NEK11: variants seen among roughly 807,000 people sequenced by gnomAD.
NEK11 encodes the protein serine/threonine-protein kinase Nek11.
Under a neutral mutation model 80.7 loss-of-function variants are expected in NEK11, and 72 were observed. The observed-to-expected ratio is 0.89, with a 90% CI of 0.74 to 1.08. The LOEUF is 1.08. NEK11 is among the 50% of genes least tolerant of loss of function. The pLI is 0.00. For synonymous variants in NEK11, 251 were observed against 260.7 expected (o/e 0.96, Z 0.36); for missense variants, 764 against 763.6 (o/e 1.00, Z -0.01).
chr3:131,328,667 A>C (rs2109976536), intron 17 of NEK11: 1 of 152,370 alleles, frequency 6.6e-6, no homozygotes, highest in African/African-American at 2.4e-5. Context: ...GAGAGCTTTT[A>C]AACTTGATGA....
intron 14 of NEK11, among the ~76,000 whole-genome samples, chr3:131,195,378 A>G (rs1379270280): frequency 2.0e-5 from 3 of 150,394 alleles, no homozygotes; most frequent in Non-Finnish European, 4.4e-5. Context: ...TGCCCACTAC[A>G]CTCCTGATAG....
At chr3:131,044,540 T>C (rs778517619) in intron 3 of NEK11, among the ~76,000 whole-genome samples, 7 of 147,302 alleles carry the variant, frequency 4.8e-5, no homozygotes, top group Non-Finnish European at 8.9e-5. Context: ...CATTACATAA[T>C]GTAAAGGGAT....
chr3:131,119,565 T>G (rs1030373191), intron 5 of NEK11, among the ~76,000 whole-genome samples: 3 of 152,174 alleles, frequency 2.0e-5, no homozygotes, highest in African/African-American at 7.2e-5. Flanking sequence ...ATGTTGACAG[T>G]GGGATGTTAA....
intron 12 of NEK11, among the ~76,000 whole-genome samples, chr3:131,167,262 T>C (rs1036204873): frequency 3.9e-5 from 6 of 152,206 alleles, no homozygotes; most frequent in African/African-American, 1.4e-4. Context: ...CATAATCTCT[T>C]CAGGGTCTTG....
chr3:131,157,624 A>G (rs2090897862), intron 10 of NEK11, among the ~76,000 whole-genome samples: 1 of 152,154 alleles, frequency 6.6e-6, no homozygotes, highest in African/African-American at 2.4e-5. Flanking sequence ...CCACTGAGGG[A>G]CCAGGATGAC....
At chr3:131,315,469 G>C (rs574120781) in intron 17 of NEK11, among the ~76,000 whole-genome samples, 130 of 96,128 alleles carry the variant, frequency 1.4e-3, no homozygotes, top group East Asian at 1.4e-3. Flanking sequence ...TAATATTCCT[G>C]TGTGTGTGTG....
chr3:131,302,144 T>C (rs980847154), intron 17 of NEK11, among the ~76,000 whole-genome samples: 1 of 152,152 alleles, frequency 6.6e-6, no homozygotes, highest in Non-Finnish European at 1.5e-5. Context: ...TTTGTGTGCA[T>C]AGATATGTTT....
At chr3:131,052,634 T>C (rs2068628381) in intron 3 of NEK11, among the ~76,000 whole-genome samples, 1 of 152,206 alleles carries the variant, frequency 6.6e-6, no homozygotes, top group Non-Finnish European at 1.5e-5. Flanking sequence ...TCGAAGGTAG[T>C]ATAAGAAAAC....
chr3:131,062,368 A>T (rs983337664), intron 3 of NEK11, among the ~76,000 whole-genome samples: 9 of 152,212 alleles, frequency 5.9e-5, no homozygotes, highest in African/African-American at 2.2e-4. Context: ...GCCTTTGCAG[A>T]CTTTCTCTCC....
intron 3 of NEK11, chr3:131,053,579 A>G (rs2068815964): frequency 6.6e-6 from 1 of 152,226 alleles, no homozygotes; most frequent in African/African-American, 2.4e-5. Flanking sequence ...CAATTTAACC[A>G]AACTTAACTC....
chr3:131,238,296 T>C (rs973010129), intron 15 of NEK11, among the ~76,000 whole-genome samples: 25 of 152,206 alleles, frequency 1.6e-4, no homozygotes, highest in African/African-American at 5.8e-4. Context: ...CTATTGCTTA[T>C]TCTTTTATGG....
At position 131,158,930 on chromosome 3, in the gene NEK11, G is replaced by A. The variant is rs556150195; in HGVS notation, c.963-3478G>A. Reference sequence around the variant, plus strand: ...CCAGGAGCACATAGGCCCCCCCAGCGCAATGAGTTGACGACCTTGAGGAGC... The same window carrying A: ...CCAGGAGCACATAGGCCCCCCCAGCACAATGAGTTGACGACCTTGAGGAGC... On this transcript the variant is annotated intron_variant, in intron 10 of 17. Coordinates refer to ENST00000383366, the MANE Select transcript of NEK11 (RefSeq NM_024800.5). Among the ~76,000 whole-genome samples the A allele has an allele frequency of 9.9e-5, 15 of 152,206 alleles. No homozygotes were observed. In the South Asian group the frequency reaches 1.2e-3, roughly 13 times the overall value.
chr3:131,273,744 A>G (rs965968773), intron 17 of NEK11, among the ~76,000 whole-genome samples, 170 bp downstream of exon 17: 11 of 152,208 alleles, frequency 7.2e-5, no homozygotes, highest in Admixed American at 5.9e-4. Flanking sequence ...CACTTTCTGT[A>G]TTGGTGCTGG....
chr3:131,347,744 G>A (rs151221215), intron 17 of NEK11, among the ~76,000 whole-genome samples: 5 of 152,148 alleles, frequency 3.3e-5, no homozygotes, highest in African/African-American at 1.2e-4. Flanking sequence ...TTCGAGACCA[G>A]CCTGGCCAAC....
rs941726594 is a variant in NEK11, at chr3:131,223,854, G to C, written c.1400-4674G>C. Among the ~76,000 whole-genome samples the C allele has an allele frequency of 2.0e-5, 3 of 152,306 alleles. No individual in the cohort carries two copies. In the East Asian group the frequency reaches 5.8e-4, roughly 29 times the overall value. On this transcript the variant is annotated intron_variant, in intron 14 of 17. Transcript: ENST00000383366. ...GAGTCCACAGAAAGGAAACCACAGA[G>C]AGGCGAGATTCCATATTGCCCATTT...
chr3:131,259,749 G>A (rs1048958985), intron 16 of NEK11, among the ~76,000 whole-genome samples: 1 of 152,120 alleles, frequency 6.6e-6, no homozygotes, highest in Non-Finnish European at 1.5e-5. Flanking sequence ...CTACTTGGAG[G>A]GGCATGATTT....
chr3:131,315,137 A>C (rs1197825596), intron 17 of NEK11, among the ~76,000 whole-genome samples: 1 of 152,218 alleles, frequency 6.6e-6, no homozygotes, highest in Non-Finnish European at 1.5e-5. Context: ...TAATAAAAGT[A>C]CCTAAAATAT....
intron 4 of NEK11, among the ~76,000 whole-genome samples, chr3:131,107,907 A>T (rs2079450218): frequency 6.6e-6 from 1 of 152,152 alleles, no homozygotes; most frequent in Non-Finnish European, 1.5e-5. Context: ...GAAACATGAG[A>T]GTACAGCTTG....
At chr3:131,282,400 ATCT>A (rs34972618) in intron 17 of NEK11, among the ~76,000 whole-genome samples, 28,874 of 151,732 alleles carry the variant, frequency 0.19, 5,147 homozygotes, top group African/African-American at 0.47. Context: ...GGGTAAGGTG[ATCT>A]TCTTCATAGA....
Sources: gnomAD v4.1 joint callset for allele counts (sites outside exome capture counted in the v4.1 genomes callset) on GRCh38, gnomAD v4.1.1 for gene constraint, MANE v1.5 for transcripts, NCBI Gene and HGNC (gene_info 2026-07-23, HGNC 2026-07-21) for gene names.